USH2A: variants seen among roughly 807,000 people sequenced by gnomAD.
USH2A encodes usherin, also known as Usher syndrome 2A (autosomal recessive, mild).
USH2A carries 443 observed loss-of-function variants against 538.9 expected under a neutral mutation model. That is an observed-to-expected ratio of 0.82 (90% CI 0.76 to 0.89). USH2A has a LOEUF of 0.89. USH2A is among the 40% of genes least tolerant of loss of function. The pLI is 0.00. For missense variants in USH2A, 6,633 were observed against 6,324.8 expected (o/e 1.05, Z -1.65); for synonymous variants, 2,413 against 2,273.5 (o/e 1.06, Z -1.75).
At position 215,879,709 on chromosome 1, in the gene USH2A, A is replaced by T. The variant is rs556888406; in HGVS notation, c.8224-611T>A. ...AAGCTTTGAAAAAGGGAAGCCAAAG[A>T]TGTTTGTGCTTAGCTAACATGTGGA... is the stretch of plus-strand genomic sequence containing the variant. On this transcript the variant is annotated intron_variant, in intron 41 of 71. Transcript: ENST00000307340. 3.3e-5 allele frequency among the ~76,000 whole-genome samples: 5 copies of T among 152,346 alleles called. No homozygotes were observed. In the South Asian group the frequency reaches 1.0e-3, roughly 32 times the overall value.
At chr1:215,846,131 G>A (rs1427080627) in intron 44 of USH2A, 98 bp from the exon 45 acceptor site, 3 of 1,173,822 alleles carry the variant, frequency 2.6e-6, no homozygotes, top group Non-Finnish European at 2.5e-6. Context: ...AAAAAAAGAA[G>A]TTTAGAGAGC....
chr1:216,067,260 G>A (rs571327156), intron 30 of USH2A, among the ~76,000 whole-genome samples: 3 of 152,192 alleles, frequency 2.0e-5, no homozygotes, highest in South Asian at 2.1e-4. Context: ...GGGGCCTGTC[G>A]AGCGGTGGAG....
intron 61 of USH2A, among the ~76,000 whole-genome samples, chr1:215,709,871 A>C (rs1415776280): frequency 1.3e-5 from 2 of 152,196 alleles, no homozygotes; most frequent in Non-Finnish European, 2.9e-5. Flanking sequence ...CATTTATTTT[A>C]TTAATTCTTT....
intron 30 of USH2A, among the ~76,000 whole-genome samples, chr1:216,060,422 A>G (rs1163600139): frequency 1.3e-5 from 2 of 152,190 alleles, no homozygotes; most frequent in Non-Finnish European, 2.9e-5. Flanking sequence ...AGTCCATTGT[A>G]TGTAAAGACT....
chr1:216,163,861 G>C (rs1023617024), intron 21 of USH2A, among the ~76,000 whole-genome samples: 1 of 151,672 alleles, frequency 6.6e-6, no homozygotes, highest in East Asian at 1.9e-4. Flanking sequence ...AATTTAAAAG[G>C]CTCACCTACA....
intron 21 of USH2A, among the ~76,000 whole-genome samples, chr1:216,163,100 C>T (rs2034094138): frequency 1.3e-5 from 2 of 151,822 alleles, no homozygotes; most frequent in Admixed American, 1.3e-4. Flanking sequence ...AGCATAATAG[C>T]TCTGCACTGT....
chr1:216,030,171 C>T (rs1388167185), intron 32 of USH2A, among the ~76,000 whole-genome samples: 2 of 139,178 alleles, frequency 1.4e-5, no homozygotes, highest in African/African-American at 5.3e-5. Context: ...ATATACATAA[C>T]AGATATATAA....
chr1:215,826,372 C>T (rs1452186759), intron 47 of USH2A, among the ~76,000 whole-genome samples: 1 of 152,094 alleles, frequency 6.6e-6, no homozygotes, highest in South Asian at 2.1e-4. Context: ...CATACAATTG[C>T]CCAAGAAAGC....
At chr1:215,789,837 G>A (rs1296280763) in intron 51 of USH2A, among the ~76,000 whole-genome samples, 4 of 152,094 alleles carry the variant, frequency 2.6e-5, no homozygotes, top group Non-Finnish European at 5.9e-5. Flanking sequence ...GAAGTGCTGG[G>A]TAAAGCTTCC....
At chr1:215,889,787 A>C (rs1376500765) in intron 40 of USH2A, among the ~76,000 whole-genome samples, 3 of 152,190 alleles carry the variant, frequency 2.0e-5, no homozygotes, top group Non-Finnish European at 2.9e-5. Context: ...ATATGCCTGC[A>C]TAGGTGTTGT....
At chr1:215,799,846 C>G (rs1328321299) in intron 49 of USH2A, among the ~76,000 whole-genome samples, 3 of 151,962 alleles carry the variant, frequency 2.0e-5, no homozygotes, top group African/African-American at 4.8e-5. Flanking sequence ...ATTATCCAGG[C>G]TTGGTGGTGC....
intron 71 of USH2A, among the ~76,000 whole-genome samples, chr1:215,628,513 C>G (rs1182635857): frequency 6.6e-6 from 1 of 152,094 alleles, no homozygotes. Context: ...AAACTCCTGT[C>G]CTCAGGTGAT....
intron 9 of USH2A, among the ~76,000 whole-genome samples, chr1:216,298,069 A>G (rs1216904469): frequency 6.6e-6 from 1 of 152,214 alleles, no homozygotes; most frequent in Non-Finnish European, 1.5e-5. Context: ...TTTTGCTGTA[A>G]CACAATGCCC....
chr1:216,295,195 A>C (rs2037080203), intron 9 of USH2A, among the ~76,000 whole-genome samples: 3 of 151,786 alleles, frequency 2.0e-5, no homozygotes, highest in Non-Finnish European at 3.0e-5. Context: ...AACAACCAAT[A>C]TGGATTTTTG....
rs959142204 is a variant in USH2A, at chr1:215,947,298, C to T, written c.7121-12503G>A. Among the ~76,000 whole-genome samples the T allele has an allele frequency of 2.5e-4, 38 of 152,306 alleles. 1 individual carries two copies. Among genetic ancestry groups the T allele is most frequent in the African/African-American group, 9.1e-4 (38 of 41,572 alleles). On this transcript the variant is annotated intron_variant, in intron 37 of 71. Transcript: ENST00000307340. ...ACTTCAGGTGGTCTGCCACCCTCAG[C>T]CTCCCAAAATGCTGGGATCACAGGT...
At chr1:216,156,145 T>C (rs1200412309) in intron 21 of USH2A, among the ~76,000 whole-genome samples, 5 of 152,160 alleles carry the variant, frequency 3.3e-5, no homozygotes, top group African/African-American at 1.2e-4. Context: ...ATCTAATTTA[T>C]ATTAGAATTT....
At chr1:216,299,420 T>G (rs2037171241) in intron 9 of USH2A, among the ~76,000 whole-genome samples, 1 of 152,084 alleles carries the variant, frequency 6.6e-6, no homozygotes, top group Non-Finnish European at 1.5e-5. Flanking sequence ...AATATGCAAT[T>G]TTAAGAAGAT....
intron 11 of USH2A, among the ~76,000 whole-genome samples, chr1:216,259,693 G>A (rs2036330146): frequency 6.6e-6 from 1 of 152,016 alleles, no homozygotes; most frequent in African/African-American, 2.4e-5. Flanking sequence ...AAGGATACAG[G>A]TGTTAACTAA....
intron 61 of USH2A, among the ~76,000 whole-genome samples, chr1:215,681,332 AACACACAC>A (rs10625816): frequency 2.7e-5 from 4 of 148,106 alleles, no homozygotes; most frequent in Non-Finnish European, 4.5e-5. Flanking sequence ...CACACACACG[AACACACAC>A]ACACACACAC....
Sources: allele counts gnomAD v4.1 joint callset (sites outside exome capture counted in the v4.1 genomes callset), GRCh38; gene constraint gnomAD v4.1.1; transcripts MANE v1.5; gene names NCBI Gene and HGNC (gene_info 2026-07-23, HGNC 2026-07-21).